Variants in AFDN observed in about 807,000 individuals in gnomAD.
The protein encoded by AFDN is afadin, adherens junction formation factor.
A neutral mutation model predicts 216.6 loss-of-function variants in AFDN; 68 were observed. The observed-to-expected ratio is 0.31, with a 90% CI of 0.26 to 0.38. The LOEUF (loss-of-function observed/expected upper bound fraction) is 0.38. AFDN is among the 10% of genes least tolerant of loss of function. AFDN has a pLI of 1.00. For synonymous variants in AFDN, 868 were observed against 853.7 expected, an observed-to-expected ratio of 1.02 and a Z score of -0.29; for missense variants, 2,136 against 2,342.0, an observed-to-expected ratio of 0.91 and a Z score of 1.82.
intron 23 of AFDN, among the ~76,000 whole-genome samples, chr6:167,927,975 T>C (rs1792784259): frequency 2.0e-5 from 3 of 152,238 alleles, no homozygotes; most frequent in African/African-American, 7.2e-5. Context: ...CCTCCATATT[T>C]TCTGTTATGT....
chr6:167,829,947 A>G (rs185787056), intron 1 of AFDN, among the ~76,000 whole-genome samples: 4 of 152,334 alleles, frequency 2.6e-5, no homozygotes, highest in Admixed American at 2.6e-4. Context: ...TAAGCAGGCT[A>G]TCACTGGAGT....
chr6:167,931,562 A>G (rs897547859), intron 23 of AFDN, among the ~76,000 whole-genome samples: 4 of 152,160 alleles, frequency 2.6e-5, no homozygotes, highest in Admixed American at 6.5e-5. Context: ...AAATGAATCT[A>G]GCAGTTCCCT....
At chr6:167,828,126 T>C (rs1264193775) in intron 1 of AFDN, among the ~76,000 whole-genome samples, 1 of 152,178 alleles carries the variant, frequency 6.6e-6, no homozygotes, top group Non-Finnish European at 1.5e-5. Context: ...GCACAGACTT[T>C]ACCAGCATAA....
At chr6:167,869,559 T>C (rs1784571573) in intron 2 of AFDN, among the ~76,000 whole-genome samples, 1 of 152,112 alleles carries the variant, frequency 6.6e-6, no homozygotes, top group Non-Finnish European at 1.5e-5. Flanking sequence ...GCTTGCAGCG[T>C]CAAATCTGTT....
chr6:167,856,058 G>C (rs941923017), intron 1 of AFDN, among the ~76,000 whole-genome samples: 3 of 152,098 alleles, frequency 2.0e-5, no homozygotes, highest in African/African-American at 7.2e-5. Context: ...GTTCCACCCG[G>C]GATGTGAATC....
intron 1 of AFDN, among the ~76,000 whole-genome samples, chr6:167,856,450 A>G (rs1452954471): frequency 6.6e-6 from 1 of 152,114 alleles, no homozygotes; most frequent in Non-Finnish European, 1.5e-5. Flanking sequence ...TTGAACTAGA[A>G]AAGTGAAGTA....
At chr6:167,967,920 G>A (rs1279914873) in intron 32 of AFDN, among the ~76,000 whole-genome samples, 5 of 152,140 alleles carry the variant, frequency 3.3e-5, no homozygotes, top group Admixed American at 3.3e-4. Context: ...GACAGTGAGA[G>A]GAGCAGCATT....
rs144713164 is a variant in AFDN, at chr6:167,875,146, T to G, written c.579-189T>G. On this transcript the variant is annotated intron_variant, in intron 4 of 33. Transcript: ENST00000683244. Reference sequence around the variant, plus strand: ...TGTCTGCTTAGTTCAGTATATTAGTTTGTGTTGAGAGAAACTATATTCTTT... The same window carrying G: ...TGTCTGCTTAGTTCAGTATATTAGTGTGTGTTGAGAGAAACTATATTCTTT... Among the ~76,000 whole-genome samples the G allele has an allele frequency of 4.6e-3, 697 of 152,264 alleles. 10 individuals are homozygous for G. The highest frequency in any genetic ancestry group is 0.016 in the African/African-American group (657 of 41,542).
intron 29 of AFDN, among the ~76,000 whole-genome samples, chr6:167,950,521 G>A (rs982742362): frequency 1.3e-5 from 2 of 152,130 alleles, no homozygotes; most frequent in African/African-American, 4.8e-5. Context: ...TGGTATTGGA[G>A]CGGACGTATC....
In AFDN at chr6:167,864,552, A is replaced by T; in HGVS notation, c.107A>T (p.Asp36Val). Residue 36 changes from aspartate to valine, a missense_variant and splice_region_variant, in exon 2 of 34, where the codon GAT (aspartate) becomes GTT (valine). Asp to Val is a radical substitution (Grantham distance 152, BLOSUM62 -3). Transcript: ENST00000683244. ...DLFEISQPTE[D>V]LEFHGVMRFY... ...ATGTACCATTTTGTTTTCTTTTAGG[A>T]TTTGGAGTTCCATGGAGTGATGAGA... 1 of 1,608,646 alleles carries T rather than the reference A, an allele frequency of 6.2e-7. No individual in the cohort carries two copies. Among genetic ancestry groups the T allele is most frequent in the Non-Finnish European group, 8.5e-7 (1 of 1,177,670 alleles).
rs1797166470 is a variant in AFDN, at chr6:167,962,728, C to T, written c.4968+161C>T. On this transcript the variant is annotated intron_variant, in intron 31 of 33. Coordinates refer to ENST00000683244, the MANE Select transcript of AFDN (RefSeq NM_001386888.1). The surrounding 1 kb of genome is among the most constrained non-coding windows in gnomAD (Gnocchi z 5.2). ...TGTGATTGGACCTGCAACTTTACCC[C>T]ATCTGGCCCACCTACCTCTCTTCTG... is the stretch of plus-strand genomic sequence containing the variant. The T allele has an allele frequency of 3.3e-6, 5 of 1,508,298 alleles. No homozygotes were observed. Among genetic ancestry groups the T allele is most frequent in the Non-Finnish European group, 4.4e-6 (5 of 1,132,002 alleles). 93.4% of individuals were successfully genotyped at this position (1,508,298 alleles called of 1,614,324 possible).
At chr6:167,948,893 G>A (rs1338308462) in intron 29 of AFDN, among the ~76,000 whole-genome samples, 1 of 152,228 alleles carries the variant, frequency 6.6e-6, no homozygotes, top group Non-Finnish European at 1.5e-5. Flanking sequence ...AGCAGGGGAT[G>A]GAGCTTCTCA....
chr6:167,929,725 C>T (rs1793048637), intron 23 of AFDN, among the ~76,000 whole-genome samples: 8 of 152,230 alleles, frequency 5.3e-5, no homozygotes, highest in Admixed American at 4.6e-4. Context: ...AGGCCCTGCT[C>T]TTCCCTTTGC....
intron 2 of AFDN, among the ~76,000 whole-genome samples, chr6:167,870,163 G>A (rs750213625): frequency 6.6e-6 from 1 of 152,156 alleles, no homozygotes; most frequent in Non-Finnish European, 1.5e-5. Context: ...TGAGGGAATT[G>A]CCTCTGTTCA....
At chr6:167,937,852 A>G (rs1794199673) in intron 23 of AFDN, among the ~76,000 whole-genome samples, 1 of 152,186 alleles carries the variant, frequency 6.6e-6, no homozygotes, top group Non-Finnish European at 1.5e-5. Context: ...TTAACTTACT[A>G]TTTATTCAGT....
intron 32 of AFDN, 77 bp downstream of exon 32, chr6:167,966,122 C>T: frequency 2.0e-6 from 3 of 1,535,818 alleles, no homozygotes; most frequent in African/African-American, 1.4e-5. Flanking sequence ...GGCCACCCCC[C>T]TGCCAGCCAC....
intron 8 of AFDN, among the ~76,000 whole-genome samples, chr6:167,891,408 G>GT (rs1562619712): frequency 0.067 from 4,802 of 71,994 alleles, 118 homozygotes; most frequent in East Asian, 0.12. Flanking sequence ...TAAAGGGGTG[G>GT]GTGTGTGTGT....
intron 23 of AFDN, among the ~76,000 whole-genome samples, chr6:167,938,028 A>G (rs1794221282): frequency 6.6e-6 from 1 of 152,200 alleles, no homozygotes; most frequent in African/African-American, 2.4e-5. Flanking sequence ...GGAAGGAGCC[A>G]TTTGCAGAGG....
chr6:167,840,292 T>C (rs1007098629), intron 1 of AFDN, among the ~76,000 whole-genome samples: 3 of 152,198 alleles, frequency 2.0e-5, no homozygotes, highest in African/African-American at 7.2e-5. Flanking sequence ...GCAGGCCCAT[T>C]TTGTGGCTTG....
Sources: gnomAD v4.1 joint callset for allele counts (sites outside exome capture counted in the v4.1 genomes callset) on GRCh38, gnomAD v4.1.1 for gene constraint, Gnocchi (gnomAD v3.1) non-coding constraint, MANE v1.5 for transcripts, NCBI Gene and HGNC (gene_info 2026-07-23, HGNC 2026-07-21) for gene names.